EFCAB7: variants seen among roughly 807,000 people sequenced by gnomAD.
The protein encoded by EFCAB7 is EF-hand calcium binding domain 7.
EFCAB7 carries 66 observed loss-of-function variants against 77.1 expected under a neutral mutation model. The observed-to-expected ratio is 0.86, with a 90% CI of 0.70 to 1.05. The LOEUF (loss-of-function observed/expected upper bound fraction) is 1.05. Ranked by LOEUF, EFCAB7 falls within the 50% of genes least tolerant of loss-of-function variation. The pLI is 0.00. For missense variants in EFCAB7, 638 were observed against 730.5 expected (o/e 0.87, Z 1.46); for synonymous variants, 225 against 243.3 (o/e 0.92, Z 0.70).
In EFCAB7 at chr1:63,534,132, G is replaced by A. The variant is rs1646734287; in HGVS notation, c.720G>A (p.Lys240=). ...GTTCTTTACTGTCAGCAACCAGGAAGTTCAAAACATCTGTTTCCTTCACAG... is the reference window on the plus strand; with the variant it reads ...GTTCTTTACTGTCAGCAACCAGGAAATTCAAAACATCTGTTTCCTTCACAG... ...TRSSLLSATR[K]FKTSVSFTVT... Residue 240 remains lysine, a synonymous_variant, in exon 6 of 14, where the codon AAG becomes AAA. Transcript: ENST00000371088. The A allele has an allele frequency of 1.9e-6, 3 of 1,613,266 alleles. No homozygotes were observed. The highest frequency in any genetic ancestry group is 2.5e-6 in the Non-Finnish European group (3 of 1,179,566).
chr1:63,573,868 G>GT (rs1647337149), downstream of EFCAB7, among the ~76,000 whole-genome samples: 1 of 136,704 alleles, frequency 7.3e-6, no homozygotes, highest in African/African-American at 3.3e-5. Flanking sequence ...TTGGTGAGGT[G>GT]TTTTTTAAAA....
In EFCAB7 at chr1:63,525,661, C is replaced by A; in HGVS notation, c.89C>A (p.Thr30Asn). The change falls in exon 2 of 14, where the codon ACT (threonine) becomes AAT (asparagine). Residue 30 changes from threonine (T) to asparagine (N), a missense_variant. Transcript: ENST00000371088. Reference sequence around the variant, plus strand: ...CCTCGAACAAAGAAATTTCCACTAACTGAAGAGGAAATATTTTATATGAAT... The same window carrying A: ...CCTCGAACAAAGAAATTTCCACTAAATGAAGAGGAAATATTTTATATGAAT... The part of the protein sequence containing the change: ...ESPRTKKFPL[T>N]EEEIFYMNCR... The A allele has an allele frequency of 6.2e-7, 1 of 1,601,166 alleles. No homozygotes were observed. The highest frequency in any genetic ancestry group is 8.5e-7 in the Non-Finnish European group (1 of 1,177,134).
chr1:63,572,663 CTTTATTAT>C lies in EFCAB7; in HGVS notation c.*149_*156del. ...TTTCATTTTATGTCCATGGTATGTA[CTTTATTAT>C]TAAAATATAAATAATGCTTTCATTG... On this transcript the variant is annotated 3_prime_UTR_variant, in exon 14 of 14. Transcript: ENST00000371088. The C allele has an allele frequency of 9.7e-7, 1 of 1,025,722 alleles. No homozygotes were observed. The highest frequency in any genetic ancestry group is 1.3e-6 in the Non-Finnish European group (1 of 798,054). The allele number at this position is 1,025,722 out of a possible 1,614,324, so 63.5% of individuals were successfully genotyped here. A position where few individuals can be genotyped will look rare whatever the true frequency, so the allele number is the denominator to read the frequency against.
downstream of EFCAB7, among the ~76,000 whole-genome samples, chr1:63,576,434 CGCATCATT>C: frequency 2.6e-5 from 4 of 151,888 alleles, no homozygotes; most frequent in South Asian, 8.3e-4. Context: ...GAGCTGAGAT[CGCATCATT>C]GCATTCCAGC....
chr1:63,576,196 G>A (rs913631768), downstream of EFCAB7, among the ~76,000 whole-genome samples: 1 of 152,140 alleles, frequency 6.6e-6, no homozygotes, highest in African/African-American at 2.4e-5. Flanking sequence ...AGTCTGAGGG[G>A]TAGGCCTGAC....
At chr1:63,524,122 T>C (rs1235700983) in intron 1 of EFCAB7, among the ~76,000 whole-genome samples, 1 of 152,192 alleles carries the variant, frequency 6.6e-6, no homozygotes, top group Non-Finnish European at 1.5e-5. Flanking sequence ...CATTTCTGCC[T>C]TGGGATTTCC....
intron 6 of EFCAB7, among the ~76,000 whole-genome samples, chr1:63,537,535 C>G (rs186670156): frequency 2.0e-5 from 3 of 152,206 alleles, no homozygotes; most frequent in Admixed American, 6.5e-5. Context: ...GGTTCATTAT[C>G]TGTTTTTTGT....
downstream of EFCAB7, among the ~76,000 whole-genome samples, chr1:63,574,960 A>C (rs898090633): frequency 7.9e-5 from 12 of 152,232 alleles, no homozygotes; most frequent in Non-Finnish European, 1.8e-4. Flanking sequence ...GTGGAAAATT[A>C]AAATGAATTT....
chr1:63,539,759 A>C (rs1646806039), intron 6 of EFCAB7, among the ~76,000 whole-genome samples: 1 of 152,220 alleles, frequency 6.6e-6, no homozygotes, highest in Admixed American at 6.5e-5. Flanking sequence ...AATATAAAAA[A>C]TATAAAATAT....
At chr1:63,554,168 G>A (rs1420839972) in intron 8 of EFCAB7, among the ~76,000 whole-genome samples, 3 of 152,018 alleles carry the variant, frequency 2.0e-5, no homozygotes, top group East Asian at 1.9e-4. Flanking sequence ...ATACGTGAAA[G>A]GATTCTCTTG....
downstream of EFCAB7, among the ~76,000 whole-genome samples, chr1:63,576,557 C>T (rs1487171226): frequency 3.3e-5 from 5 of 151,124 alleles, no homozygotes; most frequent in East Asian, 4.0e-4. Context: ...CAGTGGCTCA[C>T]GCCTGTAATC....
At chr1:63,524,692 T>C (rs1311681687) in intron 1 of EFCAB7, among the ~76,000 whole-genome samples, 1 of 152,196 alleles carries the variant, frequency 6.6e-6, no homozygotes, top group African/African-American at 2.4e-5. Flanking sequence ...TAACCATTGT[T>C]CAGTACTATA....
intron 1 of EFCAB7, among the ~76,000 whole-genome samples, chr1:63,524,282 A>G (rs1311041043): frequency 6.6e-6 from 1 of 152,222 alleles, no homozygotes; most frequent in East Asian, 1.9e-4. Flanking sequence ...ATGCATGCAC[A>G]CATATGTGTT....
rs1275033107 is a variant in EFCAB7, at chr1:63,554,019, C to T, written c.1057-1339C>T. ...GTTGTTATTTTTAGAGATAGGATCTCGCTATGTTGTCCAGGCTGGTCTCCA... is the reference window on the plus strand; with the variant it reads ...GTTGTTATTTTTAGAGATAGGATCTTGCTATGTTGTCCAGGCTGGTCTCCA... On this transcript the variant is annotated intron_variant, in intron 8 of 13. Coordinates refer to ENST00000371088, the MANE Select transcript of EFCAB7 (RefSeq NM_032437.4). Among the ~76,000 whole-genome samples the T allele has an allele frequency of 2.6e-5, 4 of 152,000 alleles. No homozygotes were observed. The East Asian group carries it at 5.8e-4, about 22-fold the overall frequency.
chr1:63,582,585 C>G, the EFCAB7 span, among the ~76,000 whole-genome samples: 2 of 152,154 alleles, frequency 1.3e-5, no homozygotes, highest in African/African-American at 2.4e-5. Context: ...AAAGTGAAGT[C>G]ATTATATGAC....
chr1:63,571,670 CAAAAAAAAAAAA>C (rs10605515), intron 13 of EFCAB7, among the ~76,000 whole-genome samples: 1 of 65,314 alleles, frequency 1.5e-5, no homozygotes, highest in South Asian at 6.8e-4. Flanking sequence ...GACTCTGTCT[CAAAAAAAAAAAA>C]AAAAAAAAAA....
chr1:63,571,925 A>G (rs960066840), intron 13 of EFCAB7, among the ~76,000 whole-genome samples: 1 of 152,174 alleles, frequency 6.6e-6, no homozygotes, highest in African/African-American at 2.4e-5. Context: ...AAGAGCTAGA[A>G]AAAGCTGTAG....
At chr1:63,562,437 T>A (rs1271321392) in intron 11 of EFCAB7, among the ~76,000 whole-genome samples, 2 of 103,974 alleles carry the variant, frequency 1.9e-5, no homozygotes, top group African/African-American at 3.7e-5. Flanking sequence ...AAATTAGGCC[T>A]TCTTAATTTA....
At chr1:63,557,375 G>C (rs1025904308) in intron 10 of EFCAB7, 128 bp downstream of exon 10, 1 of 831,704 alleles carries the variant, frequency 1.2e-6, no homozygotes, top group African/African-American at 1.8e-5. Flanking sequence ...TTTGAAAGTA[G>C]TATTGTTTGT....
Sources: gnomAD v4.1 joint callset for allele counts (sites outside exome capture counted in the v4.1 genomes callset) on GRCh38, gnomAD v4.1.1 for gene constraint, MANE v1.5 for transcripts, NCBI Gene and HGNC (gene_info 2026-07-23, HGNC 2026-07-21) for gene names.